The following INPP4B variants were observed in gnomAD, a reference collection of about 807,000 sequenced individuals.
INPP4B encodes inositol polyphosphate-4-phosphatase type II B.
INPP4B carries 55 observed loss-of-function variants against 122.5 expected under a neutral mutation model. The observed-to-expected ratio is 0.45, with a 90% CI of 0.36 to 0.56. The LOEUF (loss-of-function observed/expected upper bound fraction) is 0.56. INPP4B is among the 20% of genes least tolerant of loss of function. INPP4B has a pLI of 0.00. For synonymous variants in INPP4B, 403 were observed against 388.7 expected (o/e 1.04, Z -0.43); for missense variants, 1,000 against 1,097.7 (o/e 0.91, Z 1.26).
At chr4:142,786,942 C>A (rs1775845491) in intron 1 of INPP4B, among the ~76,000 whole-genome samples, 1 of 151,400 alleles carries the variant, frequency 6.6e-6, no homozygotes, top group South Asian at 2.1e-4. Flanking sequence ...GGATAGAATC[C>A]CGGAAAATAA....
At position 142,173,816 on chromosome 4, in the gene INPP4B, C is replaced by A. The variant is rs772027961; in HGVS notation, c.1182-7G>T. On this transcript the variant is annotated splice_region_variant and splice_polypyrimidine_tract_variant and intron_variant, in intron 15 of 25. Coordinates refer to ENST00000262992, the MANE Select transcript of INPP4B (RefSeq NM_001101669.3). ...AATAAACTGGTATCCGGTACTGCAA[C>A]AACAAAGATAAAAATAAGTTACACA... 4.8e-5 allele frequency: 77 copies of A among 1,609,782 alleles called. No homozygotes were observed. Among genetic ancestry groups the A allele is most frequent in the Non-Finnish European group, 5.9e-5 (69 of 1,176,998 alleles).
chr4:142,827,695 A>G (rs544509160), intron 1 of INPP4B, among the ~76,000 whole-genome samples: 1 of 152,306 alleles, frequency 6.6e-6, no homozygotes, highest in South Asian at 2.1e-4. Context: ...TTTATCCATT[A>G]TGATTCTGTT....
chr4:142,148,657 CA>C (rs1231941571), intron 17 of INPP4B, among the ~76,000 whole-genome samples: 4 of 152,194 alleles, frequency 2.6e-5, no homozygotes, highest in African/African-American at 9.6e-5. Context: ...ATTTGACATT[CA>C]CACGTATATA....
intron 7 of INPP4B, among the ~76,000 whole-genome samples, chr4:142,395,895 G>A (rs1799207904): frequency 6.6e-6 from 1 of 152,062 alleles, no homozygotes; most frequent in East Asian, 1.9e-4. Context: ...TAGGAGCTGG[G>A]GAAAGGGAAA....
At chr4:142,074,602 C>A (rs1169692998) in intron 25 of INPP4B, among the ~76,000 whole-genome samples, 3 of 152,030 alleles carry the variant, frequency 2.0e-5, no homozygotes, top group Non-Finnish European at 4.4e-5. Context: ...TGTTGGTAAT[C>A]AGATGTTGGT....
At chr4:142,409,238 A>C (rs1562035978) in intron 5 of INPP4B, among the ~76,000 whole-genome samples, 1 of 152,110 alleles carries the variant, frequency 6.6e-6, no homozygotes, top group Non-Finnish European at 1.5e-5. Flanking sequence ...CACGCCTGTA[A>C]TCCCAGCACT....
chr4:142,085,943 C>A (rs1179894916), intron 24 of INPP4B, among the ~76,000 whole-genome samples: 1 of 152,206 alleles, frequency 6.6e-6, no homozygotes, highest in Non-Finnish European at 1.5e-5. Flanking sequence ...AAGAGTCTTT[C>A]TTAAGTGCAT....
At chr4:142,296,467 T>C (rs192360264) in intron 9 of INPP4B, among the ~76,000 whole-genome samples, 119 of 152,338 alleles carry the variant, frequency 7.8e-4, no homozygotes, top group African/African-American at 2.7e-3. Flanking sequence ...TGTCTTATCC[T>C]GTCTTGGAAA....
At chr4:142,048,049 A>C (rs887216989) in intron 25 of INPP4B, among the ~76,000 whole-genome samples, 3 of 152,002 alleles carry the variant, frequency 2.0e-5, no homozygotes. Context: ...TGATCACCTC[A>C]CCCCAGTGGT....
intron 7 of INPP4B, among the ~76,000 whole-genome samples, chr4:142,361,550 G>A (rs1785403278): frequency 6.6e-6 from 1 of 151,896 alleles, no homozygotes; most frequent in Non-Finnish European, 1.5e-5. Context: ...TATGCTAAGG[G>A]CCTTCTTTCA....
Position 142,193,272 on chromosome 4 carries a change from C to T in INPP4B, c.1073-77G>A, listed in dbSNP as rs1249918581. On this transcript the variant is annotated intron_variant, in intron 14 of 25. Transcript: ENST00000262992. ...TCATGCTGTTTGCATTGAAGCATAC[C>T]TATTGTAGGAAGTATGAGAAATTAT... The T allele has an allele frequency of 5.1e-6, 4 of 788,452 alleles. No individual in the cohort carries two copies. The African/African-American group carries it at 5.1e-5, about 10-fold the overall frequency. 48.8% of individuals were successfully genotyped at this position (788,452 alleles called of 1,614,324 possible). A position where few individuals can be genotyped will look rare whatever the true frequency, so the allele number is the denominator to read the frequency against.
At chr4:142,481,694 C>G (rs1377683974) in intron 2 of INPP4B, among the ~76,000 whole-genome samples, 1 of 152,068 alleles carries the variant, frequency 6.6e-6, no homozygotes, top group Non-Finnish European at 1.5e-5. Flanking sequence ...AGTAAATGGG[C>G]TTTGGCATAA....
At chr4:142,244,327 T>G (rs1291587698) in intron 11 of INPP4B, among the ~76,000 whole-genome samples, 4 of 139,036 alleles carry the variant, frequency 2.9e-5, no homozygotes, top group Admixed American at 7.5e-5. Flanking sequence ...TGAGACAGAG[T>G]CTTGCTCTCT....
At chr4:142,829,204 T>A (rs781577486) in intron 1 of INPP4B, among the ~76,000 whole-genome samples, 3 of 152,090 alleles carry the variant, frequency 2.0e-5, no homozygotes, top group Admixed American at 6.6e-5. Context: ...GAATATTTTA[T>A]GTTGACTTGG....
At chr4:142,355,759 A>G (rs143238129) in intron 7 of INPP4B, among the ~76,000 whole-genome samples, 1 of 152,026 alleles carries the variant, frequency 6.6e-6, no homozygotes, top group Non-Finnish European at 1.5e-5. Context: ...AGGCAGTGTT[A>G]ATCATGCAAA....
At chr4:142,548,826 A>G (rs1727308787) in intron 2 of INPP4B, among the ~76,000 whole-genome samples, 1 of 152,054 alleles carries the variant, frequency 6.6e-6, no homozygotes, top group Admixed American at 6.6e-5. Flanking sequence ...TCATTCTAAA[A>G]TGTATTAAAT....
At chr4:142,733,774 G>T (rs2150889875) in intron 1 of INPP4B, among the ~76,000 whole-genome samples, 1 of 152,210 alleles carries the variant, frequency 6.6e-6, no homozygotes, top group East Asian at 1.9e-4. Context: ...TATAAAAGTT[G>T]CTGAATATTA....
chr4:142,114,318 G>C (rs1578949108), intron 21 of INPP4B, among the ~76,000 whole-genome samples: 1 of 151,860 alleles, frequency 6.6e-6, no homozygotes, highest in Non-Finnish European at 1.5e-5. Context: ...TTTCTCTTGG[G>C]GGTAAGTCTA....
intron 16 of INPP4B, among the ~76,000 whole-genome samples, chr4:142,161,930 G>C (rs144521389): frequency 1.3e-3 from 201 of 151,760 alleles, no homozygotes; most frequent in African/African-American, 4.8e-3. Context: ...CAACAAATTA[G>C]CAGCTTTCTC....
Sources: gnomAD v4.1 joint callset for allele counts (sites outside exome capture counted in the v4.1 genomes callset) on GRCh38, gnomAD v4.1.1 for gene constraint, MANE v1.5 for transcripts, NCBI Gene and HGNC (gene_info 2026-07-23, HGNC 2026-07-21) for gene names.